WIF1: variants seen among roughly 807,000 people sequenced by gnomAD.
The protein encoded by WIF1 is Wnt inhibitory factor 1.
Under a neutral mutation model 53.5 loss-of-function variants are expected in WIF1, and 35 were observed. That is an observed-to-expected ratio of 0.65 (90% CI 0.50 to 0.87). The LOEUF (loss-of-function observed/expected upper bound fraction) is 0.87. Among genes scored for constraint, WIF1 ranks in the 40% least tolerant of loss-of-function variants. The pLI is 0.00. For synonymous variants in WIF1, 171 were observed against 170.4 expected (o/e 1.00, Z -0.03); for missense variants, 467 against 476.8 (o/e 0.98, Z 0.19).
In WIF1 at chr12:65,056,203, A is replaced by G. The variant is rs1298856115; in HGVS notation, c.827-77T>C. The G allele has an allele frequency of 2.9e-6, 4 of 1,399,486 alleles. No homozygotes were observed. In the African/African-American group the frequency reaches 4.3e-5, roughly 15 times the overall value. 86.7% of individuals were successfully genotyped at this position (1,399,486 alleles called of 1,614,324 possible). On this transcript the variant is annotated intron_variant, in intron 7 of 9. Transcript: ENST00000286574. ...GGTAATTACATTTTTCAAAGGAATT[A>G]CAAGGCTTTGAGAGGATAAGTGCTT...
intron 3 of WIF1, among the ~76,000 whole-genome samples, chr12:65,073,734 G>C (rs1430645038): frequency 1.3e-5 from 2 of 152,170 alleles, no homozygotes; most frequent in Admixed American, 1.3e-4. Context: ...ATAATGCAAG[G>C]TACCTTCACT....
At chr12:65,112,984 A>G (rs986315127) in intron 2 of WIF1, among the ~76,000 whole-genome samples, 2 of 152,134 alleles carry the variant, frequency 1.3e-5, no homozygotes, top group Non-Finnish European at 2.9e-5. Context: ...CATTTGGATG[A>G]GTGAGATTAA....
rs1294112280 is a variant in WIF1, at chr12:65,063,113, CTG to C, written c.731-539_731-538del. Reference sequence around the variant, plus strand: ...TTATGACTTTCGGAGAAAAGAGTAACTGTATTCAGAAAAAGACTGTGGGCCCA... The same window carrying C: ...TTATGACTTTCGGAGAAAAGAGTAACTATTCAGAAAAAGACTGTGGGCCCA... On this transcript the variant is annotated intron_variant, in intron 6 of 9. Coordinates refer to ENST00000286574, the MANE Select transcript of WIF1 (RefSeq NM_007191.5). 2.0e-5 allele frequency among the ~76,000 whole-genome samples: 3 copies of C among 152,210 alleles called. No homozygotes were observed. The East Asian group carries it at 5.8e-4, about 29-fold the overall frequency.
rs1167721645 is a variant in WIF1 at position 65,090,717 on chromosome 12, G to T, written c.289-12863C>A. Among the ~76,000 whole-genome samples the T allele has an allele frequency of 2.0e-5, 3 of 152,176 alleles. No individual in the cohort carries two copies. In the East Asian group the frequency reaches 5.8e-4, roughly 29 times the overall value. The stretch of plus-strand genomic sequence containing the variant: ...ACTCTGGCAAGCTTGAGGAACCCAA[G>T]GAAGCCAGTGTCTACTTTGCAGTGC... On this transcript the variant is annotated intron_variant, in intron 2 of 9. Transcript: ENST00000286574.
chr12:65,076,183 A>G (rs1198351003), intron 3 of WIF1, among the ~76,000 whole-genome samples: 2 of 152,016 alleles, frequency 1.3e-5, no homozygotes, highest in Non-Finnish European at 2.9e-5. Context: ...GACTATGGGT[A>G]TGTGCCATCA....
At chr12:65,117,829 C>T (rs10082853) in intron 2 of WIF1, among the ~76,000 whole-genome samples, 5,273 of 152,202 alleles carry the variant, frequency 0.035, 307 homozygotes, top group African/African-American at 0.12. Context: ...GAATCTTATG[C>T]TGCTGCCGAT....
chr12:65,120,547 T>G lies in WIF1; in HGVS notation c.158A>C (p.Glu53Ala), dbSNP rs561153674. Residue 53 changes from glutamate (E) to alanine (A), a missense_variant, in exon 2 of 10, where the codon GAA becomes GCA. Transcript: ENST00000286574. ...CCCCTCTGAAACAATCAGGATATCT[T>G]CTTCAAATCCTGGTTTTTAAAATAA... ...HQARVLIGFE[E>A]DILIVSEGKM... The G allele has an allele frequency of 6.2e-7, 1 of 1,607,522 alleles. No homozygotes were observed. The highest frequency in any genetic ancestry group is 2.2e-5 in the East Asian group (1 of 44,848).
intron 2 of WIF1, among the ~76,000 whole-genome samples, chr12:65,084,372 C>T (rs911057121): frequency 6.6e-6 from 1 of 152,176 alleles, no homozygotes; most frequent in Non-Finnish European, 1.5e-5. Context: ...GGTGTCTCCA[C>T]AGCCTGGTTC....
Position 65,079,504 on chromosome 12 carries a change from G to C in WIF1, c.289-1650C>G, listed in dbSNP as rs558360630. Among the ~76,000 whole-genome samples, 37 of 151,652 alleles carry C rather than the reference G, an allele frequency of 2.4e-4. No individual in the cohort carries two copies. In the South Asian group the frequency reaches 7.7e-3, roughly 32 times the overall value. ...GATTGTTATTATTATCATCAATATT[G>C]TTTTCATAAGTCTCCTCCCTCAGTT... On this transcript the variant is annotated intron_variant, in intron 2 of 9. Transcript: ENST00000286574.
chr12:65,082,015 C>T lies in WIF1; in HGVS notation c.289-4161G>A, dbSNP rs1882958083. 2.0e-5 allele frequency among the ~76,000 whole-genome samples: 3 copies of T among 152,044 alleles called. No homozygotes were observed. The East Asian group carries it at 5.8e-4, about 29-fold the overall frequency. On this transcript the variant is annotated intron_variant, in intron 2 of 9. Transcript: ENST00000286574. Reference sequence around the variant, plus strand: ...CATCAATACTGTGAAAATATTTCCACAAATATAGTATTATGAACTACAGAG... The same window carrying T: ...CATCAATACTGTGAAAATATTTCCATAAATATAGTATTATGAACTACAGAG...
chr12:65,062,457 A>G, intron 7 of WIF1, 24 bp downstream of exon 7: 1 of 1,589,168 alleles, frequency 6.3e-7, no homozygotes, highest in South Asian at 1.1e-5. Flanking sequence ...CCAAGTCAAA[A>G]GAACGCAGAA....
intron 3 of WIF1, among the ~76,000 whole-genome samples, chr12:65,076,434 C>T (rs1314634447): frequency 1.3e-5 from 2 of 152,108 alleles, no homozygotes; most frequent in Non-Finnish European, 2.9e-5. Context: ...ATTGCTTAAC[C>T]AGGGTAAAAA....
In WIF1 at chr12:65,077,732, C is replaced by G. The variant is rs377649102; in HGVS notation, c.397+14G>C. 3 of 1,594,196 alleles carry G rather than the reference C, an allele frequency of 1.9e-6. No homozygotes were observed. On this transcript the variant is annotated intron_variant, in intron 3 of 9. Coordinates refer to ENST00000286574, the MANE Select transcript of WIF1 (RefSeq NM_007191.5). Reference sequence around the variant, plus strand: ...TTTTAAGTGTAAACCTTTCTTCAGGCAAAGACCACCCACCTGATGCCTTGT... The same window carrying G: ...TTTTAAGTGTAAACCTTTCTTCAGGGAAAGACCACCCACCTGATGCCTTGT...
intron 2 of WIF1, among the ~76,000 whole-genome samples, chr12:65,092,736 G>A (rs905352028): frequency 5.9e-5 from 9 of 152,014 alleles, no homozygotes; most frequent in African/African-American, 1.9e-4. Context: ...GTATCAGAGT[G>A]GATGGGTACC....
intron 6 of WIF1, among the ~76,000 whole-genome samples, chr12:65,063,648 A>C (rs1174563766): frequency 2.0e-5 from 3 of 152,130 alleles, no homozygotes; most frequent in Admixed American, 6.6e-5. Flanking sequence ...AAAATCACAA[A>C]GATCTCCAAG....
At chr12:65,071,231 CAAA>C (rs67928556) in intron 3 of WIF1, among the ~76,000 whole-genome samples, 5 of 71,152 alleles carry the variant, frequency 7.0e-5, no homozygotes, top group Admixed American at 1.7e-4. Context: ...AAGACTCCAT[CAAA>C]AAAAAAAAAA....
At position 65,121,206 on chromosome 12, in the gene WIF1, C is replaced by T. The variant is rs1883605699; in HGVS notation, c.-15G>A. 9.5e-6 allele frequency: 14 copies of T among 1,470,740 alleles called. No homozygotes were observed. Among genetic ancestry groups the T allele is most frequent in the Non-Finnish European group, 1.3e-5 (14 of 1,105,612 alleles). 91.1% of individuals were successfully genotyped at this position (1,470,740 alleles called of 1,614,324 possible). A position where few individuals can be genotyped will look rare whatever the true frequency, so the allele number is the denominator to read the frequency against. ...CTCCGGGCCATGCTGCTCAGGACCTCCTCGCTGCCGGGAAAACTCCTCGTG... is the reference window on the plus strand; with the variant it reads ...CTCCGGGCCATGCTGCTCAGGACCTTCTCGCTGCCGGGAAAACTCCTCGTG... On this transcript the variant is annotated 5_prime_UTR_variant, in exon 1 of 10. Transcript: ENST00000286574.
intron 2 of WIF1, among the ~76,000 whole-genome samples, chr12:65,101,539 C>T (rs990484088): frequency 3.9e-5 from 6 of 152,094 alleles, no homozygotes; most frequent in Admixed American, 1.3e-4. Context: ...ATTAAAATGG[C>T]AAACAGTATT....
At chr12:65,087,056 A>G in intron 2 of WIF1, among the ~76,000 whole-genome samples, 1 of 152,160 alleles carries the variant, frequency 6.6e-6, no homozygotes, top group African/African-American at 2.4e-5. Flanking sequence ...AGGCTGAGGC[A>G]GGAGAACTGC....
Sources: gnomAD v4.1 joint callset for allele counts (sites outside exome capture counted in the v4.1 genomes callset) on GRCh38, gnomAD v4.1.1 for gene constraint, MANE v1.5 for transcripts, NCBI Gene and HGNC (gene_info 2026-07-23, HGNC 2026-07-21) for gene names.